MGAT5: variants seen among roughly 807,000 people sequenced by gnomAD.
MGAT5 encodes the protein alpha-1,6-mannosylglycoprotein 6-beta-N-acetylglucosaminyltransferase A.
MGAT5 carries 30 observed loss-of-function variants against 94.3 expected under a neutral mutation model. That is an observed-to-expected ratio of 0.32 (90% CI 0.24 to 0.43). The LOEUF is 0.43. Ranked by LOEUF, MGAT5 falls within the 20% of genes least tolerant of loss-of-function variation. The probability of loss-of-function intolerance (pLI) is 1.00; values close to 1 mark genes in which losing one functional copy is unlikely to be tolerated. For missense variants in MGAT5, 691 were observed against 905.5 expected, an observed-to-expected ratio of 0.76 and a Z score of 3.04; for synonymous variants, 310 against 322.9, an observed-to-expected ratio of 0.96 and a Z score of 0.43.
intron 10 of MGAT5, among the ~76,000 whole-genome samples, chr2:134,395,246 G>A (rs1313030007): frequency 6.6e-6 from 1 of 152,250 alleles, no homozygotes; most frequent in Non-Finnish European, 1.5e-5. Context: ...TCTTAAAGCA[G>A]AAAGGAGGTC....
chr2:134,330,842 A>G (rs1422804670), intron 4 of MGAT5, among the ~76,000 whole-genome samples: 1 of 152,180 alleles, frequency 6.6e-6, no homozygotes, highest in Non-Finnish European at 1.5e-5. Flanking sequence ...CCATTAGAAC[A>G]GAATACTTCA....
chr2:134,285,963 G>A (rs1684975636), intron 2 of MGAT5, among the ~76,000 whole-genome samples: 1 of 152,190 alleles, frequency 6.6e-6, no homozygotes, highest in South Asian at 2.1e-4. Flanking sequence ...TAAGGTGATA[G>A]TAAATTGCCA....
chr2:134,152,199 G>C (rs1343164123), intron 1 of MGAT5, among the ~76,000 whole-genome samples: 1 of 136,910 alleles, frequency 7.3e-6, no homozygotes, highest in Non-Finnish European at 1.5e-5. Flanking sequence ...CCTGCCCACC[G>C]CCATGGGAAC....
At chr2:134,315,561 G>A (rs1016320891) in intron 2 of MGAT5, among the ~76,000 whole-genome samples, 3 of 152,224 alleles carry the variant, frequency 2.0e-5, no homozygotes, top group Admixed American at 6.5e-5. Context: ...TTCCAGAAGT[G>A]TCTGTGCATT....
At chr2:134,331,486 A>G (rs752790163) in intron 4 of MGAT5, among the ~76,000 whole-genome samples, 19 of 152,118 alleles carry the variant, frequency 1.2e-4, no homozygotes, top group Non-Finnish European at 1.9e-4. Context: ...GAGCTCAGAC[A>G]GTTTTAATTT....
intron 13 of MGAT5, 114 bp from the exon 14 acceptor site, chr2:134,428,251 T>G: frequency 1.1e-6 from 1 of 889,242 alleles, no homozygotes; most frequent in Non-Finnish European, 1.8e-6. Flanking sequence ...TAGTCAACCC[T>G]CATGAGGCCG....
intron 10 of MGAT5, among the ~76,000 whole-genome samples, chr2:134,387,332 A>AT (rs35936767): frequency 5.8e-4 from 14 of 24,264 alleles, no homozygotes; most frequent in Admixed American, 1.5e-3. Context: ...ATATATATAT[A>AT]TTTTTTTTTT....
intron 10 of MGAT5, among the ~76,000 whole-genome samples, chr2:134,379,505 T>C (rs557622735): frequency 6.6e-6 from 1 of 152,244 alleles, no homozygotes; most frequent in African/African-American, 2.4e-5. Flanking sequence ...GTTCAAAGAA[T>C]TAAGTTTTAG....
At chr2:134,279,664 G>C (rs919602080) in intron 2 of MGAT5, among the ~76,000 whole-genome samples, 1 of 152,210 alleles carries the variant, frequency 6.6e-6, no homozygotes, top group Non-Finnish European at 1.5e-5. Context: ...CGTCTACTCA[G>C]GGTTGTTCTT....
chr2:134,260,892 G>A (rs1333069056), intron 1 of MGAT5, among the ~76,000 whole-genome samples: 3 of 152,016 alleles, frequency 2.0e-5, no homozygotes, highest in African/African-American at 7.2e-5. Context: ...CGTGGCTGGT[G>A]TGATTAAAGA....
intron 2 of MGAT5, among the ~76,000 whole-genome samples, chr2:134,301,719 G>A (rs1686028677): frequency 6.6e-6 from 1 of 152,176 alleles, no homozygotes; most frequent in East Asian, 1.9e-4. Flanking sequence ...CATCCACAGG[G>A]CAGGCAGCTA....
intron 1 of MGAT5, among the ~76,000 whole-genome samples, chr2:134,248,472 G>A (rs1356039641): frequency 1.3e-5 from 2 of 152,344 alleles, no homozygotes; most frequent in South Asian, 2.1e-4. Context: ...GCAGGAAGGA[G>A]GTGGGGTGAG....
At chr2:134,162,386 A>G (rs10928482) in intron 1 of MGAT5, among the ~76,000 whole-genome samples, 26,354 of 152,086 alleles carry the variant, frequency 0.17, 2,411 homozygotes, top group South Asian at 0.23. Flanking sequence ...TGAGGCAAGC[A>G]AGGAGTCCAA....
intron 2 of MGAT5, among the ~76,000 whole-genome samples, chr2:134,281,956 G>A (rs913429122): frequency 1.3e-5 from 2 of 152,218 alleles, no homozygotes; most frequent in Non-Finnish European, 2.9e-5. Context: ...GTATCTGATG[G>A]TATCTGAGGT....
At chr2:134,345,837 C>G (rs1688892611) in intron 8 of MGAT5, among the ~76,000 whole-genome samples, 1 of 152,050 alleles carries the variant, frequency 6.6e-6, no homozygotes, top group Admixed American at 6.5e-5. Flanking sequence ...GCAAAAGTAT[C>G]TATTCTGAAT....
At position 134,444,734 on chromosome 2, in the gene MGAT5, G is replaced by A. The variant is rs187405828; in HGVS notation, c.2027+2819G>A. On this transcript the variant is annotated intron_variant, in intron 15 of 15. Coordinates refer to ENST00000281923, the MANE Select transcript of MGAT5 (RefSeq NM_002410.5). ...AAGAACCACCTGTCCTCACTCTATA[G>A]TATGACTTTAGTATATCACATCAGG... is the stretch of plus-strand genomic sequence containing the variant. Among the ~76,000 whole-genome samples, 4 of 152,368 alleles carry A rather than the reference G, an allele frequency of 2.6e-5. No homozygotes were observed. The East Asian group carries it at 7.7e-4, about 29-fold the overall frequency.
At chr2:134,191,510 G>GCCT (rs113436456) in intron 1 of MGAT5, among the ~76,000 whole-genome samples, 95 of 139,124 alleles carry the variant, frequency 6.8e-4, no homozygotes, top group African/African-American at 2.1e-3. Flanking sequence ...GCCGTCTTTC[G>GCCT]CCTCCTCCTC....
chr2:134,339,653 A>G (rs1017399344), intron 6 of MGAT5, among the ~76,000 whole-genome samples: 1 of 152,174 alleles, frequency 6.6e-6, no homozygotes, highest in African/African-American at 2.4e-5. Flanking sequence ...AACAGAAACT[A>G]CCATAGAAAC....
chr2:134,126,066 G>A (rs1001653590), intron 1 of MGAT5, among the ~76,000 whole-genome samples: 17 of 152,360 alleles, frequency 1.1e-4, no homozygotes, highest in African/African-American at 4.1e-4. Flanking sequence ...TGTCTGCGGA[G>A]TCCTAGAAAG....
Sources: gnomAD v4.1 joint callset for allele counts (sites outside exome capture counted in the v4.1 genomes callset) on GRCh38, gnomAD v4.1.1 for gene constraint, MANE v1.5 for transcripts, NCBI Gene and HGNC (gene_info 2026-07-23, HGNC 2026-07-21) for gene names.